The following MKLN1 variants were observed in gnomAD, a reference collection of about 807,000 sequenced individuals.
The protein encoded by MKLN1 is muskelin.
Under a neutral mutation model 99.0 loss-of-function variants are expected in MKLN1, and 18 were observed. The observed-to-expected ratio is 0.18, with a 90% CI of 0.13 to 0.27. MKLN1 has a LOEUF of 0.27. Among genes scored for constraint, MKLN1 ranks in the 10% least tolerant of loss-of-function variants. The pLI, the probability that MKLN1 is intolerant of heterozygous loss-of-function variation, is 1.00. For missense variants in MKLN1, 621 were observed against 875.9 expected (o/e 0.71, Z 3.67); for synonymous variants, 288 against 293.2 (o/e 0.98, Z 0.18).
intron 1 of MKLN1, among the ~76,000 whole-genome samples, chr7:131,117,290 C>T (rs1010616066): frequency 1.3e-5 from 2 of 151,880 alleles, no homozygotes; most frequent in South Asian, 2.1e-4. Flanking sequence ...ATTAGCTGGG[C>T]GTGGTGGTGC....
intron 10 of MKLN1, among the ~76,000 whole-genome samples, chr7:131,442,954 A>C (rs1795885512): frequency 6.6e-6 from 1 of 152,214 alleles, no homozygotes; most frequent in Admixed American, 6.5e-5. Flanking sequence ...CAGTCTGGAG[A>C]CTTGATTGTT....
chr7:131,458,476 T>A (rs1361101679), intron 12 of MKLN1, among the ~76,000 whole-genome samples: 1 of 152,106 alleles, frequency 6.6e-6, no homozygotes, highest in African/African-American at 2.4e-5. Context: ...AAAGGGAAAA[T>A]TGGACACTAT....
rs1018521590 is a variant in MKLN1, at chr7:131,493,913, G to A, written c.*6185G>A. ...TTAATTGGCAGGAAGAAGAAACACT[G>A]TGTGATATACTGAACAAGCCTGTGT... On this transcript the variant is annotated 3_prime_UTR_variant, in exon 18 of 18. Coordinates refer to ENST00000352689, the MANE Select transcript of MKLN1 (RefSeq NM_013255.5). The A allele has an allele frequency of 6.6e-6, 1 of 152,156 alleles. No homozygotes were observed. The highest frequency in any genetic ancestry group is 2.4e-5 in the African/African-American group (1 of 41,434). The allele number at this position is 152,156 out of a possible 1,614,324, so 9.4% of individuals were successfully genotyped here. A position where few individuals can be genotyped will look rare whatever the true frequency, so the allele number is the denominator to read the frequency against.
intron 15 of MKLN1, among the ~76,000 whole-genome samples, chr7:131,467,820 G>A (rs757125772): frequency 3.3e-5 from 5 of 152,200 alleles, no homozygotes; most frequent in African/African-American, 7.2e-5. Flanking sequence ...GGTAAAACTC[G>A]TGGCTGCTTT....
At position 131,283,343 on chromosome 7, in the gene MKLN1, C is replaced by CTCTTCCTTCCTTCCTT. The variant is rs1554546593; in HGVS notation, c.-179+80369_-179+80370insTCTTCCTTCCTTCCTT. 2.7e-5 allele frequency among the ~76,000 whole-genome samples: 2 copies of CTCTTCCTTCCTTCCTT among 74,678 alleles called. 1 individual carries two copies. Among genetic ancestry groups the CTCTTCCTTCCTTCCTT allele is most frequent in the Non-Finnish European group, 4.9e-5 (2 of 41,180 alleles). The allele number at this position is 74,678 out of a possible 152,430, so 49.0% of individuals were successfully genotyped here. A position where few individuals can be genotyped will look rare whatever the true frequency, so the allele number is the denominator to read the frequency against. On this transcript the variant is annotated intron_variant, in intron 3 of 7. Coordinates refer to the MKLN1 transcript ENST00000416992. ...CCTCCCTCCCTCCTTCCCTTCCCTTCCCCTCCTTCCTTCCTTCCTTCCTTC... is the reference window on the plus strand; with the variant it reads ...CCTCCCTCCCTCCTTCCCTTCCCTTCTCTTCCTTCCTTCCTTCCCTCCTTCCTTCCTTCCTTCCTTC...
intron 3 of MKLN1, among the ~76,000 whole-genome samples, chr7:131,279,961 TC>T (rs1798027581): frequency 6.6e-6 from 1 of 152,006 alleles, no homozygotes. Flanking sequence ...TTGTTCCCAT[TC>T]CCCACCCTCA....
chr7:131,294,074 C>G (rs558552597), intron 3 of MKLN1, among the ~76,000 whole-genome samples: 1 of 151,916 alleles, frequency 6.6e-6, no homozygotes, highest in East Asian at 1.9e-4. Flanking sequence ...TCTTGGGGCA[C>G]TGGACTAGAG....
chr7:131,352,662 C>G (rs1799753678), intron 1 of MKLN1, among the ~76,000 whole-genome samples: 1 of 151,984 alleles, frequency 6.6e-6, no homozygotes, highest in South Asian at 2.1e-4. Context: ...TGAAGTTTAA[C>G]ATTTCTTTGT....
Position 131,327,985 on chromosome 7 carries a change from C to G in MKLN1, c.86C>G (p.Thr29Ser). 1 of 1,613,906 alleles carries G rather than the reference C, an allele frequency of 6.2e-7. No homozygotes were observed. The highest frequency in any genetic ancestry group is 8.5e-7 in the Non-Finnish European group (1 of 1,179,872). Residue 29 changes from threonine to serine, a missense_variant, in exon 1 of 18, where the codon ACC (threonine) becomes AGC (serine). By Grantham distance (58) the Thr-to-Ser change is moderately conservative. Around this residue, in one of 8 missense-constraint regions of MKLN1, gnomAD observed 58 missense variants for 40.0 expected, o/e 1.45. Transcript: ENST00000352689. ...CACAAGTGGAGCTCCTTTTCCTCCA[C>G]CTACCTTCCCGAGTAAGTGCCGGGC... is the stretch of plus-strand genomic sequence containing the variant. ...ALHKWSSFSS[T>S]YLPENILVDK...
intron 1 of MKLN1, among the ~76,000 whole-genome samples, chr7:131,375,093 C>T (rs1793600895): frequency 6.6e-6 from 1 of 151,710 alleles, no homozygotes; most frequent in African/African-American, 2.4e-5. Context: ...GCCACTGCAC[C>T]CAGCTATTTT....
intron 1 of MKLN1, among the ~76,000 whole-genome samples, chr7:131,374,018 A>T (rs1055820392): frequency 3.3e-5 from 5 of 152,046 alleles, no homozygotes; most frequent in African/African-American, 1.2e-4. Flanking sequence ...GGCTGGGGTT[A>T]TTTGTATCAA....
intron 2 of MKLN1, among the ~76,000 whole-genome samples, chr7:131,376,515 G>A (rs997724735): frequency 2.6e-5 from 4 of 151,258 alleles, no homozygotes; most frequent in Admixed American, 1.3e-4. Context: ...GGTGGCACAC[G>A]CCTATAGTCC....
intron 2 of MKLN1, among the ~76,000 whole-genome samples, chr7:131,149,371 C>G (rs899261327): frequency 6.6e-6 from 1 of 151,958 alleles, no homozygotes; most frequent in African/African-American, 2.4e-5. Context: ...AGTAGCAACT[C>G]TAGTGTAACC....
intron 3 of MKLN1, among the ~76,000 whole-genome samples, chr7:131,238,232 G>T (rs1164797161): frequency 2.0e-5 from 3 of 152,096 alleles, no homozygotes; most frequent in African/African-American, 7.2e-5. Flanking sequence ...TCCTAAATTG[G>T]TACTAGATAA....
chr7:131,221,785 T>C (rs1797064459), intron 3 of MKLN1, among the ~76,000 whole-genome samples: 1 of 151,850 alleles, frequency 6.6e-6, no homozygotes, highest in South Asian at 2.1e-4. Context: ...CCTCCCGAAG[T>C]GCTGGGATTA....
At chr7:131,476,791 G>A (rs577530598) in intron 16 of MKLN1, among the ~76,000 whole-genome samples, 49 of 152,068 alleles carry the variant, frequency 3.2e-4, no homozygotes, top group African/African-American at 1.2e-3. Flanking sequence ...AAACAATTTT[G>A]AAAAAAGAAA....
At chr7:131,159,248 G>C (rs1796013007) in intron 2 of MKLN1, among the ~76,000 whole-genome samples, 1 of 152,080 alleles carries the variant, frequency 6.6e-6, no homozygotes. Context: ...AAGCAAGGGT[G>C]GGGGACAGGC....
intron 1 of MKLN1, among the ~76,000 whole-genome samples, chr7:131,116,054 C>T (rs889612241): frequency 2.0e-5 from 3 of 152,056 alleles, no homozygotes; most frequent in African/African-American, 4.8e-5. Flanking sequence ...GCCTGTAATC[C>T]CAGCACTTTG....
chr7:131,395,507 G>C (rs1173353567), intron 4 of MKLN1, among the ~76,000 whole-genome samples: 1 of 90,592 alleles, frequency 1.1e-5, no homozygotes, highest in Non-Finnish European at 2.4e-5. Flanking sequence ...TTTACTGCCA[G>C]TGTATGGTGG....
Sources: allele counts gnomAD v4.1 joint callset (sites outside exome capture counted in the v4.1 genomes callset), GRCh38; gene constraint gnomAD v4.1.1; regional missense constraint gnomAD v4.1.1; transcripts MANE v1.5; gene names NCBI Gene and HGNC (gene_info 2026-07-23, HGNC 2026-07-21).